Variants in PARD3B observed in about 807,000 individuals in gnomAD.
PARD3B encodes par-3 family cell polarity regulator beta, also known as partitioning defective 3 homolog B.
In PARD3B, 103 loss-of-function variants were observed where a neutral mutation model predicts 130.2. The ratio of observed to expected loss-of-function variants is 0.79; its 90% CI spans 0.67 to 0.93. PARD3B has a LOEUF of 0.93. Ranked by LOEUF, PARD3B falls within the 40% of genes least tolerant of loss-of-function variation. The pLI is 0.00. For missense variants in PARD3B, 1,609 were observed against 1,499.2 expected (o/e 1.07, Z -1.21); for synonymous variants, 583 against 553.2 (o/e 1.05, Z -0.76).
chr2:205,537,418 C>A (rs982033975), intron 21 of PARD3B, among the ~76,000 whole-genome samples: 4 of 152,138 alleles, frequency 2.6e-5, no homozygotes, highest in Non-Finnish European at 4.4e-5. Context: ...GTTCTCCTGT[C>A]TGCTGACCCC....
intron 2 of PARD3B, among the ~76,000 whole-genome samples, chr2:204,912,412 G>A (rs1575285825): frequency 6.6e-6 from 1 of 152,064 alleles, no homozygotes; most frequent in South Asian, 2.1e-4. Context: ...TTGTTATCAT[G>A]TCATATTAAA....
chr2:204,937,047 A>G (rs1688514226), intron 2 of PARD3B, among the ~76,000 whole-genome samples: 1 of 152,272 alleles, frequency 6.6e-6, no homozygotes, highest in Non-Finnish European at 1.5e-5. Flanking sequence ...ATAGACACAC[A>G]GTGCTTGAGT....
chr2:205,037,095 T>C (rs1698004223), intron 3 of PARD3B, among the ~76,000 whole-genome samples: 1 of 132,446 alleles, frequency 7.6e-6, no homozygotes, highest in South Asian at 2.7e-4. Context: ...AATATACATA[T>C]ATAGCGGACT....
intron 2 of PARD3B, among the ~76,000 whole-genome samples, chr2:204,926,739 A>C (rs1004774237): frequency 6.6e-6 from 1 of 152,070 alleles, no homozygotes; most frequent in African/African-American, 2.4e-5. Flanking sequence ...GTATACCAGA[A>C]CCCAAGGATA....
intron 2 of PARD3B, among the ~76,000 whole-genome samples, chr2:204,741,626 A>G (rs1375828525): frequency 3.9e-5 from 6 of 152,300 alleles, no homozygotes; most frequent in African/African-American, 1.2e-4. Flanking sequence ...GAAAATCTTG[A>G]AAAGTCCTGG....
intron 3 of PARD3B, among the ~76,000 whole-genome samples, chr2:204,966,214 G>A (rs1165640468): frequency 6.6e-6 from 1 of 152,284 alleles, no homozygotes; most frequent in East Asian, 1.9e-4. Context: ...ATACTGTAAA[G>A]TTAAATTTAC....
At chr2:205,358,365 C>G (rs1467451936) in intron 18 of PARD3B, among the ~76,000 whole-genome samples, 3 of 152,204 alleles carry the variant, frequency 2.0e-5, no homozygotes, top group Non-Finnish European at 2.9e-5. Flanking sequence ...CCTAGAGACA[C>G]AAACTCATAA....
intron 22 of PARD3B, among the ~76,000 whole-genome samples, chr2:205,615,045 T>C (rs2055373755): frequency 1.3e-5 from 2 of 152,314 alleles, no homozygotes; most frequent in South Asian, 4.1e-4. Flanking sequence ...CTCACTGCCT[T>C]GTTTAGGAAA....
intron 10 of PARD3B, among the ~76,000 whole-genome samples, chr2:205,133,132 A>T (rs1477066473): frequency 6.6e-6 from 1 of 152,172 alleles, no homozygotes; most frequent in South Asian, 2.1e-4. Flanking sequence ...GCGTGCCACA[A>T]TGAGGGTTAG....
rs1338934812 is a variant in PARD3B, at chr2:204,934,465, A to G, written c.223-30687A>G. On this transcript the variant is annotated intron_variant, in intron 2 of 22. Coordinates refer to ENST00000406610, the MANE Select transcript of PARD3B (RefSeq NM_001302769.2). ...TAGAAGTCACTGGTCTGGTTTTCAGATATGCACCTAATAAAGCAAAACATG... is the reference window on the plus strand; with the variant it reads ...TAGAAGTCACTGGTCTGGTTTTCAGGTATGCACCTAATAAAGCAAAACATG... Among the ~76,000 whole-genome samples, 4 of 152,314 alleles carry G rather than the reference A, an allele frequency of 2.6e-5. 1 individual carries two copies. Among genetic ancestry groups the G allele is most frequent in the African/African-American group, 9.6e-5 (4 of 41,568 alleles).
Position 205,128,126 on chromosome 2 carries a change from A to G in PARD3B, c.1434+2389A>G, listed in dbSNP as rs897141895. Reference sequence around the variant, plus strand: ...TCTGAGATAGGAGAGCAAAGAAATAAGTTTTGACTGTGTATTCCATTGAAC... The same window carrying G: ...TCTGAGATAGGAGAGCAAAGAAATAGGTTTTGACTGTGTATTCCATTGAAC... On this transcript the variant is annotated intron_variant, in intron 10 of 22. Coordinates refer to ENST00000406610, the MANE Select transcript of PARD3B (RefSeq NM_001302769.2). The surrounding 1 kb of genome is among the most constrained non-coding windows in gnomAD (Gnocchi z 4.5). Among the ~76,000 whole-genome samples, 1 of 152,336 alleles carries G rather than the reference A, an allele frequency of 6.6e-6. No individual in the cohort carries two copies. Among genetic ancestry groups the G allele is most frequent in the East Asian group, 1.9e-4 (1 of 5,184 alleles).
At chr2:205,296,808 A>G (rs1402744964) in intron 16 of PARD3B, among the ~76,000 whole-genome samples, 1 of 151,904 alleles carries the variant, frequency 6.6e-6, no homozygotes, top group Non-Finnish European at 1.5e-5. Context: ...TACTCTATAT[A>G]GGACCATGTC....
At chr2:205,260,948 C>A (rs111890961) in intron 16 of PARD3B, among the ~76,000 whole-genome samples, 32 of 148,998 alleles carry the variant, frequency 2.1e-4, no homozygotes, top group African/African-American at 7.9e-4. Context: ...CCATTGTGTC[C>A]CCTCCCAAGC....
intron 18 of PARD3B, among the ~76,000 whole-genome samples, chr2:205,311,830 G>T (rs2042397259): frequency 6.6e-6 from 1 of 152,170 alleles, no homozygotes; most frequent in Non-Finnish European, 1.5e-5. Context: ...CAAATAGAAA[G>T]GGTCTCAAAA....
At chr2:205,350,310 T>G (rs1413490014) in intron 18 of PARD3B, among the ~76,000 whole-genome samples, 1 of 152,196 alleles carries the variant, frequency 6.6e-6, no homozygotes, top group Non-Finnish European at 1.5e-5. Context: ...TAAGAAACCA[T>G]CTCCTTGGTT....
chr2:204,764,909 T>C (rs181641617), intron 2 of PARD3B, among the ~76,000 whole-genome samples: 4 of 152,230 alleles, frequency 2.6e-5, no homozygotes, highest in African/African-American at 9.6e-5. Flanking sequence ...GACAGTTTTG[T>C]TTAAATAAAT....
At chr2:205,001,553 C>T (rs1214379199) in intron 3 of PARD3B, among the ~76,000 whole-genome samples, 1 of 152,228 alleles carries the variant, frequency 6.6e-6, no homozygotes, top group African/African-American at 2.4e-5. Context: ...TGAAGCTGCA[C>T]CGTCCAGAAT....
chr2:205,054,231 G>T (rs1201465534), intron 4 of PARD3B, among the ~76,000 whole-genome samples: 1 of 151,286 alleles, frequency 6.6e-6, no homozygotes, highest in Non-Finnish European at 1.5e-5. Context: ...AATCTGGATT[G>T]CCTGAATGTC....
intron 16 of PARD3B, among the ~76,000 whole-genome samples, chr2:205,271,121 A>T (rs1455567181): frequency 6.6e-6 from 1 of 152,218 alleles, no homozygotes; most frequent in East Asian, 1.9e-4. Flanking sequence ...CCTGAAGTGT[A>T]CCTTAAATAA....
Sources: gnomAD v4.1 joint callset for allele counts (sites outside exome capture counted in the v4.1 genomes callset) on GRCh38, gnomAD v4.1.1 for gene constraint, Gnocchi (gnomAD v3.1) non-coding constraint, MANE v1.5 for transcripts, NCBI Gene and HGNC (gene_info 2026-07-23, HGNC 2026-07-21) for gene names.